Variants in NMBR observed in about 807,000 individuals in gnomAD.
NMBR encodes the protein neuromedin-B receptor.
NMBR carries 16 observed loss-of-function variants against 20.5 expected under a neutral mutation model. That is an observed-to-expected ratio of 0.78 (90% confidence interval 0.53 to 1.19). The LOEUF (loss-of-function observed/expected upper bound fraction) is 1.19. Ranked by LOEUF, NMBR falls within the 50% of genes most tolerant of loss-of-function variation. The pLI, the probability that NMBR is intolerant of heterozygous loss-of-function variation, is 0.00. For synonymous variants in NMBR, 212 were observed against 196.6 expected (o/e 1.08, Z -0.65); for missense variants, 582 against 499.1 (o/e 1.17, Z -1.58).
At chr6:142,079,721 C>T (rs996598307) in intron 2 of NMBR, among the ~76,000 whole-genome samples, 7 of 151,784 alleles carry the variant, frequency 4.6e-5, no homozygotes, top group African/African-American at 1.7e-4. Flanking sequence ...CTCCATAATC[C>T]AATAATAAGG....
chr6:142,081,135 T>A (rs1422209099), intron 2 of NMBR, among the ~76,000 whole-genome samples: 2 of 152,090 alleles, frequency 1.3e-5, no homozygotes, highest in African/African-American at 2.4e-5. Context: ...ATTCAAATGG[T>A]GGAAGGGTCA....
chr6:142,123,433 TTAGTACA>T (rs1777979751), intron 1 of NMBR, among the ~76,000 whole-genome samples: 1 of 151,968 alleles, frequency 6.6e-6, no homozygotes, highest in East Asian at 1.9e-4. Context: ...TCTCATTAAC[TTAGTACA>T]TAAAGCAGCA....
Position 142,140,852 on chromosome 6 carries a change from A to G in NMBR, c.-664+6192T>C, listed in dbSNP as rs147368950. Among the ~76,000 whole-genome samples the G allele has an allele frequency of 4.1e-3, 626 of 152,306 alleles. 4 individuals are homozygous for G. The highest frequency in any genetic ancestry group is 0.014 in the African/African-American group (599 of 41,582). ...ATGACAGAGATTAAAGAGACATTTCATAATGATGAAAGTATAATTTCATCA... is the reference window on the plus strand; with the variant it reads ...ATGACAGAGATTAAAGAGACATTTCGTAATGATGAAAGTATAATTTCATCA... On this transcript the variant is annotated intron_variant, in intron 1 of 3. Coordinates refer to ENST00000258042, the MANE Select transcript of NMBR (RefSeq NM_002511.4).
chr6:142,077,842 T>C (rs1776980189), intron 3 of NMBR, among the ~76,000 whole-genome samples: 2 of 152,368 alleles, frequency 1.3e-5, no homozygotes, highest in South Asian at 2.1e-4. Context: ...AGAAACTCTT[T>C]GTCACAAGAA....
chr6:142,078,656 G>C lies in NMBR; in HGVS notation c.670C>G (p.Pro224Ala), dbSNP rs958544410. 2 of 1,612,570 alleles carry C rather than the reference G, an allele frequency of 1.2e-6. No homozygotes were observed. Among genetic ancestry groups the C allele is most frequent in the East Asian group, 2.2e-5 (1 of 44,876 alleles). ...VLIFLVYFLIPLAIISIYYYH... is the reference protein window; with the variant it reads ...VLIFLVYFLIALAIISIYYYH... ...TAATAAATGCTAATAATAGCAAGTG[G>C]TATGAGGAAATAGACCAAGAAAATG... The change falls in exon 3 of 4, where the codon CCA becomes GCA. Residue 224 changes from proline to alanine, a missense_variant. Transcript: ENST00000258042.
chr6:142,108,321 A>G (rs964271098), intron 1 of NMBR, among the ~76,000 whole-genome samples: 10 of 152,206 alleles, frequency 6.6e-5, no homozygotes, highest in South Asian at 2.1e-4. Context: ...AAATAATAAA[A>G]GCAGCATGAT....
intron 1 of NMBR, among the ~76,000 whole-genome samples, chr6:142,092,578 A>G (rs753588437): frequency 1.3e-5 from 2 of 152,348 alleles, no homozygotes; most frequent in East Asian, 3.9e-4. Context: ...CATATTAAAC[A>G]GTAGTTTTTA....
At chr6:142,126,757 A>ATTTTTT (rs34631481) in intron 1 of NMBR, among the ~76,000 whole-genome samples, 103 of 51,308 alleles carry the variant, frequency 2.0e-3, no homozygotes, top group Non-Finnish European at 2.3e-3. Context: ...TATTTGAGGG[A>ATTTTTT]TTTTTTTTTT....
Position 142,075,684 on chromosome 6 carries a change from T to C in NMBR, c.1137A>G (p.Leu379=), listed in dbSNP as rs776712197. 2 of 1,613,320 alleles carry C rather than the reference T, an allele frequency of 1.2e-6. No homozygotes were observed. Among genetic ancestry groups the C allele is most frequent in the Admixed American group, 3.3e-5 (2 of 59,942 alleles). ...AKNMVTNSVL[L]NGHSMKQEMA... ...TTTCCTGCTTCATGCTGTGCCCATT[T>C]AGTAAAACAGAATTGGTCACCATGT... The change falls in exon 4 of 4, where the codon CTA becomes CTG. Residue 379 remains leucine (L), a synonymous_variant. Transcript: ENST00000258042.
chr6:142,111,561 A>C (rs528618680), intron 1 of NMBR, among the ~76,000 whole-genome samples: 87 of 152,328 alleles, frequency 5.7e-4, no homozygotes, highest in Middle Eastern at 3.4e-3. Flanking sequence ...ATTTGAGGGA[A>C]CTTCTTTAAA....
chr6:142,124,483 T>A (rs745468006), intron 1 of NMBR, among the ~76,000 whole-genome samples: 1 of 151,882 alleles, frequency 6.6e-6, no homozygotes, highest in Non-Finnish European at 1.5e-5. Context: ...ATTTTACAGA[T>A]GGAAGAACTG....
At position 142,075,656 on chromosome 6, in the gene NMBR, C is replaced by T. The variant is rs779616036; in HGVS notation, c.1165G>A (p.Ala389Thr). ...GAGTTGAATGGCCAAAATCACAGTGCCATTTCCTGCTTCATGCTGTGCCCA... is the reference window on the plus strand; with the variant it reads ...GAGTTGAATGGCCAAAATCACAGTGTCATTTCCTGCTTCATGCTGTGCCCA... ...LNGHSMKQEM[A>T]L The change falls in exon 4 of 4, where the codon GCA becomes ACA. Residue 389 changes from alanine (A) to threonine (T), a missense_variant. By Grantham distance (58) the Ala-to-Thr change is moderately conservative. Coordinates refer to ENST00000258042, the MANE Select transcript of NMBR (RefSeq NM_002511.4). 1 of 1,605,506 alleles carries T rather than the reference C, an allele frequency of 6.2e-7. No homozygotes were observed. The highest frequency in any genetic ancestry group is 1.1e-5 in the South Asian group (1 of 89,744).
At chr6:142,118,511 T>C (rs1168492081) in intron 1 of NMBR, among the ~76,000 whole-genome samples, 2 of 152,012 alleles carry the variant, frequency 1.3e-5, no homozygotes, top group African/African-American at 4.8e-5. Flanking sequence ...TGCCTAGAGC[T>C]ATCATTTTTT....
At position 142,088,746 on chromosome 6, in the gene NMBR, T is replaced by C. The variant is rs1777257532; in HGVS notation, c.-88A>G. 2 of 1,178,122 alleles carry C rather than the reference T, an allele frequency of 1.7e-6. No homozygotes were observed. The highest frequency in any genetic ancestry group is 2.4e-6 in the Non-Finnish European group (2 of 847,482). 73.0% of individuals were successfully genotyped at this position (1,178,122 alleles called of 1,614,324 possible). On this transcript the variant is annotated 5_prime_UTR_variant, in exon 2 of 4. Coordinates refer to ENST00000258042, the MANE Select transcript of NMBR (RefSeq NM_002511.4). ...GCCCACGATTTAGGTTTAATCGATG[T>C]CCCTCCCTCTCGCCCCTGCAAGTTT...
chr6:142,119,131 T>C (rs570185689), intron 1 of NMBR, among the ~76,000 whole-genome samples: 2 of 152,110 alleles, frequency 1.3e-5, no homozygotes, highest in East Asian at 3.9e-4. Context: ...AGCCAGTTAC[T>C]GGTTATGCGT....
At chr6:142,135,376 C>G (rs987631604) in intron 1 of NMBR, among the ~76,000 whole-genome samples, 1 of 151,932 alleles carries the variant, frequency 6.6e-6, no homozygotes, top group African/African-American at 2.4e-5. Flanking sequence ...TAAAATATAA[C>G]TTATTAAGCA....
At chr6:142,082,458 G>A (rs1190525558) in intron 2 of NMBR, among the ~76,000 whole-genome samples, 1 of 152,156 alleles carries the variant, frequency 6.6e-6, no homozygotes, top group Admixed American at 6.6e-5. Context: ...ATCTAATGAT[G>A]CCTAAGACGC....
chr6:142,080,556 G>T (rs1777074222), intron 2 of NMBR, among the ~76,000 whole-genome samples: 1 of 151,896 alleles, frequency 6.6e-6, no homozygotes, highest in Non-Finnish European at 1.5e-5. Context: ...CAAGTGATCT[G>T]CCGACCTCAG....
chr6:142,104,467 T>G (rs971695672), intron 1 of NMBR, among the ~76,000 whole-genome samples: 2 of 152,138 alleles, frequency 1.3e-5, no homozygotes, highest in Admixed American at 6.5e-5. Flanking sequence ...ATCCCAAAGT[T>G]AGAGATCAAA....
Sources: allele counts gnomAD v4.1 joint callset (sites outside exome capture counted in the v4.1 genomes callset), GRCh38; gene constraint gnomAD v4.1.1; transcripts MANE v1.5; gene names NCBI Gene and HGNC (gene_info 2026-07-23, HGNC 2026-07-21).